Variants in KYNU observed in about 807,000 individuals in gnomAD.
The protein encoded by KYNU is kynureninase.
A neutral mutation model predicts 59.2 loss-of-function variants in KYNU; 54 were observed. The observed-to-expected ratio is 0.91, with a 90% CI of 0.73 to 1.14. The LOEUF is 1.14. Among genes scored for constraint, KYNU ranks in the 50% most tolerant of loss-of-function variants. KYNU has a pLI of 0.00. For synonymous variants in KYNU, 177 were observed against 192.0 expected, an observed-to-expected ratio of 0.92 and a Z score of 0.65; for missense variants, 567 against 554.4, an observed-to-expected ratio of 1.02 and a Z score of -0.23.
intron 4 of KYNU, among the ~76,000 whole-genome samples, chr2:142,928,734 A>G (rs533108377): frequency 6.6e-6 from 1 of 152,214 alleles, no homozygotes; most frequent in South Asian, 2.1e-4. Context: ...AGGGCTGGGC[A>G]TAGTGACACA....
At chr2:143,031,774 G>C (rs1686750008) in intron 11 of KYNU, among the ~76,000 whole-genome samples, 1 of 152,102 alleles carries the variant, frequency 6.6e-6, no homozygotes, top group Non-Finnish European at 1.5e-5. Context: ...AGGCCATATG[G>C]CCATATATTA....
At chr2:142,888,101 G>A (rs1026479884) in intron 2 of KYNU, among the ~76,000 whole-genome samples, 29 of 152,144 alleles carry the variant, frequency 1.9e-4, no homozygotes, top group African/African-American at 7.0e-4. Context: ...AGTCATTGCT[G>A]ATTCTTAAAG....
At chr2:142,992,519 T>G (rs1685427067) in intron 10 of KYNU, among the ~76,000 whole-genome samples, 1 of 151,902 alleles carries the variant, frequency 6.6e-6, no homozygotes, top group Non-Finnish European at 1.5e-5. Context: ...AGCATCTCTG[T>G]CAAACCTTCT....
intron 10 of KYNU, among the ~76,000 whole-genome samples, chr2:143,007,819 T>G (rs1182038967): frequency 8.1e-4 from 94 of 116,190 alleles, no homozygotes; most frequent in South Asian, 2.8e-3. Flanking sequence ...GCTTCATAAG[T>G]GAAGGAGAAA....
intron 4 of KYNU, among the ~76,000 whole-genome samples, chr2:142,928,268 G>A (rs1016955605): frequency 7.2e-5 from 11 of 152,024 alleles, no homozygotes; most frequent in Middle Eastern, 3.4e-3. Flanking sequence ...ATATACTATC[G>A]GTGGTATTTA....
intron 10 of KYNU, among the ~76,000 whole-genome samples, chr2:143,027,277 T>C (rs1310050106): frequency 6.6e-6 from 1 of 152,238 alleles, no homozygotes; most frequent in African/African-American, 2.4e-5. Context: ...TCTTCTTAAA[T>C]TGTCCTCTAG....
chr2:142,895,830 G>A (rs553234134), intron 2 of KYNU, among the ~76,000 whole-genome samples: 21 of 152,126 alleles, frequency 1.4e-4, no homozygotes, highest in Middle Eastern at 3.4e-3. Context: ...GGCTACAGGC[G>A]TGCACCACCA....
rs1687321462 is a variant in KYNU, at chr2:143,054,577, GT to G, written c.*12406del. ...TAAAAATGGAACAACATGTAATTAT[GT>G]GCTCAATGTGATGAATATGAAGTAG... is the stretch of plus-strand genomic sequence containing the variant. On this transcript the variant is annotated 3_prime_UTR_variant, in exon 14 of 14. Coordinates refer to ENST00000264170, the MANE Select transcript of KYNU (RefSeq NM_003937.3). 2 of 152,156 alleles carry G rather than the reference GT, an allele frequency of 1.3e-5. No homozygotes were observed. Among genetic ancestry groups the G allele is most frequent in the Non-Finnish European group, 2.9e-5 (2 of 68,024 alleles). 9.4% of individuals were successfully genotyped at this position (152,156 alleles called of 1,614,324 possible).
chr2:142,916,810 G>T (rs1008012238), intron 2 of KYNU, among the ~76,000 whole-genome samples: 1 of 152,190 alleles, frequency 6.6e-6, no homozygotes, highest in Non-Finnish European at 1.5e-5. Flanking sequence ...GTGAACTGCG[G>T]TCTTGAAGCA....
chr2:142,909,083 T>G lies in KYNU; in HGVS notation c.170-9526T>G, dbSNP rs747409037. On this transcript the variant is annotated intron_variant, in intron 2 of 13. Transcript: ENST00000264170. ...AAACACAGACTATCTGGTACTTGTA[T>G]CTAACAATGTATTTACAATTGTGAT... is the stretch of plus-strand genomic sequence containing the variant. Among the ~76,000 whole-genome samples the G allele has an allele frequency of 5.7e-4, 87 of 152,348 alleles. 1 individual carries two copies. The highest frequency in any genetic ancestry group is 4.4e-4 in the Non-Finnish European group (30 of 68,032).
Position 142,954,856 on chromosome 2 carries a change from T to C in KYNU, c.420T>C (p.Asn140=). 1.3e-6 allele frequency: 2 copies of C among 1,593,650 alleles called. No homozygotes were observed. Among genetic ancestry groups the C allele is most frequent in the South Asian group, 1.1e-5 (1 of 90,562 alleles). Residue 140 remains asparagine, a synonymous_variant, in exon 5 of 14, where the codon AAT becomes AAC. Coordinates refer to ENST00000264170, the MANE Select transcript of KYNU (RefSeq NM_003937.3). Reference sequence around the variant, plus strand: ...CCCTAATGAATGCTTTGACTGTAAATTTACATCTTCTAATGGTAAGTTTTC... The same window carrying C: ...CCCTAATGAATGCTTTGACTGTAAACTTACATCTTCTAATGGTAAGTTTTC... ...EIALMNALTV[N]LHLLMLSFFK...
At chr2:143,035,599 T>C (rs1249492541) in intron 12 of KYNU, among the ~76,000 whole-genome samples, 3 of 152,132 alleles carry the variant, frequency 2.0e-5, no homozygotes, top group Non-Finnish European at 4.4e-5. Context: ...GTTTTATTTA[T>C]TTATATTTAG....
At chr2:143,034,899 C>A (rs1000392663) in intron 12 of KYNU, among the ~76,000 whole-genome samples, 3 of 152,162 alleles carry the variant, frequency 2.0e-5, no homozygotes, top group Non-Finnish European at 4.4e-5. Flanking sequence ...CATATCTTTG[C>A]AAATAACTTC....
intron 10 of KYNU, 138 bp from the exon 11 acceptor site, chr2:143,029,489 G>A: frequency 3.0e-6 from 2 of 675,006 alleles, no homozygotes; most frequent in East Asian, 5.5e-5. Flanking sequence ...GAGAGGCTAA[G>A]GCACAAGAAT....
chr2:143,021,579 TG>T lies in KYNU; in HGVS notation c.903-8042del, dbSNP rs201764388. The stretch of plus-strand genomic sequence containing the variant: ...ACTTACAATCATGGCAGGAGGCAAA[TG>T]GGGGGCAGGCACCTCACGTGGCAGG... On this transcript the variant is annotated intron_variant, in intron 10 of 13. Coordinates refer to ENST00000264170, the MANE Select transcript of KYNU (RefSeq NM_003937.3). Among the ~76,000 whole-genome samples the T allele has an allele frequency of 2.8e-3, 430 of 152,016 alleles. 2 individuals are homozygous for T. The highest frequency in any genetic ancestry group is 4.8e-3 in the Non-Finnish European group (323 of 67,972).
chr2:143,054,240 G>A lies in KYNU; in HGVS notation c.*12068G>A, dbSNP rs1687315190. On this transcript the variant is annotated 3_prime_UTR_variant, in exon 14 of 14. Coordinates refer to ENST00000264170, the MANE Select transcript of KYNU (RefSeq NM_003937.3). ...GTTTATTCCCTCTTACTATGTATAA[G>A]TATTTCCCCAAGTTTCACTTTATCT... 6.6e-6 allele frequency: 1 copy of A among 151,870 alleles called. No individual in the cohort carries two copies. The highest frequency in any genetic ancestry group is 6.6e-5 in the Admixed American group (1 of 15,246). The allele number at this position is 151,870 out of a possible 1,614,324, so 9.4% of individuals were successfully genotyped here. A position where few individuals can be genotyped will look rare whatever the true frequency, so the allele number is the denominator to read the frequency against.
chr2:142,944,210 A>G (rs1683699269), intron 4 of KYNU, among the ~76,000 whole-genome samples: 1 of 152,220 alleles, frequency 6.6e-6, no homozygotes, highest in Non-Finnish European at 1.5e-5. Context: ...GAAGAGAATT[A>G]GAGTAGGTAC....
chr2:142,932,051 C>G (rs940911932), intron 4 of KYNU, among the ~76,000 whole-genome samples: 63 of 152,156 alleles, frequency 4.1e-4, no homozygotes, highest in African/African-American at 1.4e-3. Context: ...GCCTTGGTAC[C>G]TGGCCCCAGG....
rs35512763 is a variant in KYNU at position 143,042,648 on chromosome 2, G to GTATA, written c.*492_*495dup. On this transcript the variant is annotated 3_prime_UTR_variant, in exon 14 of 14. Coordinates refer to ENST00000264170, the MANE Select transcript of KYNU (RefSeq NM_003937.3). ...TATATATATGTGTGTGTGTGTGTGT[G>GTATA]TATATATATATATATATATCATATA... is the stretch of plus-strand genomic sequence containing the variant. 3.3e-5 allele frequency: 3 copies of GTATA among 91,724 alleles called. No individual in the cohort carries two copies. Among genetic ancestry groups the GTATA allele is most frequent in the African/African-American group, 1.2e-4 (3 of 26,066 alleles). 5.7% of individuals were successfully genotyped at this position (91,724 alleles called of 1,614,324 possible).
Sources: gnomAD v4.1 joint callset for allele counts (sites outside exome capture counted in the v4.1 genomes callset) on GRCh38, gnomAD v4.1.1 for gene constraint, MANE v1.5 for transcripts, NCBI Gene and HGNC (gene_info 2026-07-23, HGNC 2026-07-21) for gene names.